Variants in ANKFY1 observed in about 807,000 individuals in gnomAD.
ANKFY1 encodes ankyrin repeat and FYVE domain containing 1.
In ANKFY1, 47 loss-of-function variants were observed where a neutral mutation model predicts 128.3. The ratio of observed to expected loss-of-function variants is 0.37; its 90% CI spans 0.29 to 0.47. The LOEUF (loss-of-function observed/expected upper bound fraction) is 0.47. ANKFY1 is among the 20% of genes least tolerant of loss of function. The probability of loss-of-function intolerance (pLI) is 1.00; values close to 1 mark genes in which losing one functional copy is unlikely to be tolerated. For missense variants in ANKFY1, 1,222 were observed against 1,510.6 expected (o/e 0.81, Z 3.17); for synonymous variants, 553 against 601.6 (o/e 0.92, Z 1.18).
chr17:4,209,283 G>T (rs1211058549), intron 5 of ANKFY1, among the ~76,000 whole-genome samples: 1 of 152,184 alleles, frequency 6.6e-6, no homozygotes, highest in Non-Finnish European at 1.5e-5. Context: ...TTCCAAGCCT[G>T]TTTCTGGACC....
rs1312272597 is a variant in ANKFY1, at chr17:4,195,010, C to T, written c.1340G>A (p.Gly447Asp). 6.2e-7 allele frequency: 1 copy of T among 1,614,154 alleles called. No individual in the cohort carries two copies. ...NSFAARLIQR[G>D]SHTDAPDTAT... ...CGTGTCAGGTGCGTCTGTGTGGCTG[C>T]CGCGCTGGATGAGTCTGGCTGCAAA... Residue 447 changes from glycine to aspartate, a missense_variant, in exon 10 of 25, where the codon GGC becomes GAC. Transcript: ENST00000341657.
At chr17:4,199,090 T>C (rs867959894) in intron 7 of ANKFY1, among the ~76,000 whole-genome samples, 1 of 152,102 alleles carries the variant, frequency 6.6e-6, no homozygotes, top group African/African-American at 2.4e-5. Flanking sequence ...AGCCCCAGAG[T>C]TCGAGACTGC....
At chr17:4,235,128 A>C (rs1966868146) in intron 3 of ANKFY1, among the ~76,000 whole-genome samples, 1 of 152,156 alleles carries the variant, frequency 6.6e-6, no homozygotes. Flanking sequence ...GGACCACCTA[A>C]GGTCAGGAGA....
chr17:4,174,017 G>C lies in ANKFY1; in HGVS notation c.2815C>G (p.Arg939Gly), dbSNP rs981970431. 1 of 1,614,206 alleles carries C rather than the reference G, an allele frequency of 6.2e-7. No homozygotes were observed. The highest frequency in any genetic ancestry group is 8.5e-7 in the Non-Finnish European group (1 of 1,180,002). Residue 939 changes from arginine to glycine, a missense_variant, in exon 20 of 25, where the codon CGC becomes GGC. Physicochemically the swap from Arg to Gly is moderately radical, Grantham distance 125. Coordinates refer to ENST00000341657, the MANE Select transcript of ANKFY1 (RefSeq NM_001330063.2). ...GAKVNELTKH[R>G]QTALHLAAQQ... ...GCAGCAAGATGGAGGGCAGTCTGGCGATGCTTGGTTAATTCGTTCACTTTG... is the reference window on the plus strand; with the variant it reads ...GCAGCAAGATGGAGGGCAGTCTGGCCATGCTTGGTTAATTCGTTCACTTTG...
intron 5 of ANKFY1, among the ~76,000 whole-genome samples, chr17:4,208,846 G>A (rs1386508528): frequency 6.6e-6 from 1 of 152,182 alleles, no homozygotes; most frequent in Non-Finnish European, 1.5e-5. Context: ...ATCACCTGAG[G>A]TTGGGAGTTT....
chr17:4,263,136 C>T (rs561912355), intron 1 of ANKFY1, among the ~76,000 whole-genome samples: 96 of 152,316 alleles, frequency 6.3e-4, no homozygotes, highest in African/African-American at 2.3e-3. Flanking sequence ...CTTCTTTCCC[C>T]CTACGTGTAC....
chr17:4,176,594 A>G (rs964026185), intron 19 of ANKFY1, among the ~76,000 whole-genome samples: 5 of 152,052 alleles, frequency 3.3e-5, no homozygotes, highest in Admixed American at 2.6e-4. Context: ...AACACACCAC[A>G]TGCACTTCCC....
chr17:4,242,238 G>T lies in ANKFY1; in HGVS notation c.203+18C>A. 6.6e-7 allele frequency: 1 copy of T among 1,508,502 alleles called. No individual in the cohort carries two copies. The allele number at this position is 1,508,502 out of a possible 1,614,324, so 93.4% of individuals were successfully genotyped here. On this transcript the variant is annotated intron_variant, in intron 2 of 24. Coordinates refer to ENST00000341657, the MANE Select transcript of ANKFY1 (RefSeq NM_001330063.2). The stretch of plus-strand genomic sequence containing the variant: ...GGAATAAAGCCAAAGGGCCTTCTGT[G>T]TCTAGGAGCTCTCCCACCTGTACTG...
chr17:4,215,442 A>T (rs369502638), intron 4 of ANKFY1, among the ~76,000 whole-genome samples: 29 of 152,306 alleles, frequency 1.9e-4, no homozygotes, highest in African/African-American at 7.0e-4. Context: ...ACATTACAAA[A>T]AGAGCAACGG....
chr17:4,195,983 A>G (rs1377728814), intron 8 of ANKFY1, among the ~76,000 whole-genome samples: 1 of 148,028 alleles, frequency 6.8e-6, no homozygotes, highest in Non-Finnish European at 1.5e-5. Flanking sequence ...ACACACACAC[A>G]CACACACCCC....
intron 1 of ANKFY1, among the ~76,000 whole-genome samples, chr17:4,256,010 G>A (rs1968097783): frequency 6.6e-6 from 1 of 151,866 alleles, no homozygotes; most frequent in Non-Finnish European, 1.5e-5. Context: ...TAGAGACGGG[G>A]TTTCACCATG....
rs760283886 is a variant in ANKFY1 at position 4,209,887 on chromosome 17, C to T, written c.519G>A (p.Thr173=). 12 of 1,614,038 alleles carry T rather than the reference C, an allele frequency of 7.4e-6. No homozygotes were observed. Among genetic ancestry groups the T allele is most frequent in the East Asian group, 2.2e-5 (1 of 44,888 alleles). Residue 173 remains threonine (T), a synonymous_variant, in exon 5 of 25, where the codon ACG becomes ACA. Coordinates refer to ENST00000341657, the MANE Select transcript of ANKFY1 (RefSeq NM_001330063.2). ...GTGTGCTGGCATTCAGCTCCTCTGC[C>T]GTCTGGTAGAAGCGAATACAGTTCC... ...NVRNCIRFYQ[T]AEELNASTLM...
At chr17:4,172,002 C>T (rs1236859071) in intron 22 of ANKFY1, among the ~76,000 whole-genome samples, 1 of 152,128 alleles carries the variant, frequency 6.6e-6, no homozygotes. Context: ...ATGAGGCTGC[C>T]GTGAGTCCTC....
At chr17:4,220,047 A>G (rs182222415) in intron 3 of ANKFY1, among the ~76,000 whole-genome samples, 2 of 151,540 alleles carry the variant, frequency 1.3e-5, no homozygotes, top group Admixed American at 1.3e-4. Flanking sequence ...CTGGTCTTGA[A>G]CTCCTAACCT....
Position 4,212,917 on chromosome 17 carries a change from T to C in ANKFY1, c.459-2970A>G, listed in dbSNP as rs1009162161. On this transcript the variant is annotated intron_variant, in intron 4 of 24. Transcript: ENST00000341657. ...TCCAGAATAGCTGGGATTACAGGCA[T>C]GTGCCGCCACACCCAGCTAATTTTT... Among the ~76,000 whole-genome samples the C allele has an allele frequency of 1.3e-3, 200 of 149,906 alleles. 3 individuals are homozygous for C. The highest frequency in any genetic ancestry group is 3.3e-4 in the Non-Finnish European group (22 of 67,292).
intron 14 of ANKFY1, 123 bp downstream of exon 14, chr17:4,183,275 G>C: frequency 8.5e-7 from 1 of 1,170,278 alleles, no homozygotes; most frequent in Middle Eastern, 2.7e-4. Flanking sequence ...TGTTTCTAGA[G>C]CTACTGTTTC....
chr17:4,181,575 G>A lies in ANKFY1; in HGVS notation c.2122-203C>T, dbSNP rs888177132. 6.6e-6 allele frequency among the ~76,000 whole-genome samples: 1 copy of A among 152,184 alleles called. No homozygotes were observed. Among genetic ancestry groups the A allele is most frequent in the African/African-American group, 2.4e-5 (1 of 41,442 alleles). ...TGCTGTGTGCAAGTTCGTGCACTAG[G>A]TCCTGTGGGACAGACTTGGGAAGTA... On this transcript the variant is annotated intron_variant, in intron 15 of 24. Transcript: ENST00000341657. This position sits in a 1 kb window ranked among gnomAD's most constrained non-coding sequence, Gnocchi z 4.9.
At chr17:4,245,703 A>G (rs1967501501) in intron 1 of ANKFY1, among the ~76,000 whole-genome samples, 1 of 148,550 alleles carries the variant, frequency 6.7e-6, no homozygotes, top group Admixed American at 6.8e-5. Context: ...AGATTGTGCC[A>G]CTGTACTCCA....
chr17:4,206,584 A>T, intron 6 of ANKFY1, 98 bp from the exon 7 acceptor site: 1 of 1,153,096 alleles, frequency 8.7e-7, no homozygotes. Context: ...CTCTTATACA[A>T]ATGTCAAATT....
Sources: gnomAD v4.1 joint callset for allele counts (sites outside exome capture counted in the v4.1 genomes callset) on GRCh38, gnomAD v4.1.1 for gene constraint, Gnocchi (gnomAD v3.1) non-coding constraint, MANE v1.5 for transcripts, NCBI Gene and HGNC (gene_info 2026-07-23, HGNC 2026-07-21) for gene names.